The following TENM2 variants were observed in gnomAD, a reference collection of about 807,000 sequenced individuals.
TENM2 encodes the protein teneurin transmembrane protein 2.
TENM2 carries 52 observed loss-of-function variants against 245.2 expected under a neutral mutation model. The ratio of observed to expected loss-of-function variants is 0.21; its 90% CI spans 0.17 to 0.27. The LOEUF is 0.27. TENM2 is among the 10% of genes least tolerant of loss of function. The pLI is 1.00. For synonymous variants in TENM2, 1,363 were observed against 1,438.9 expected, an observed-to-expected ratio of 0.95 and a Z score of 1.19; for missense variants, 3,046 against 3,666.8, an observed-to-expected ratio of 0.83 and a Z score of 4.37.
chr5:167,203,913 G>T, the TENM2 span, among the ~76,000 whole-genome samples: 1 of 152,064 alleles, frequency 6.6e-6, no homozygotes, highest in African/African-American at 2.4e-5. Flanking sequence ...AAAATAGCAG[G>T]ATGAAAACGG....
chr5:167,549,423 A>T (rs1230991569), intron 2 of TENM2, among the ~76,000 whole-genome samples: 1 of 152,242 alleles, frequency 6.6e-6, no homozygotes, highest in Non-Finnish European at 1.5e-5. Flanking sequence ...TAACAAAACT[A>T]ACATGATATC....
At chr5:167,568,455 G>C (rs944941295) in intron 2 of TENM2, among the ~76,000 whole-genome samples, 3 of 152,020 alleles carry the variant, frequency 2.0e-5, no homozygotes, top group African/African-American at 7.2e-5. Flanking sequence ...TTAGGCACTG[G>C]TCTAGCTACT....
At chr5:168,070,831 GAAGAAA>G (rs1261931737) in intron 7 of TENM2, among the ~76,000 whole-genome samples, 5 of 143,692 alleles carry the variant, frequency 3.5e-5, no homozygotes, top group African/African-American at 1.0e-4. Context: ...AAAAAAGAAA[GAAGAAA>G]AAGAAAAAGA....
chr5:167,678,731 C>A (rs1756505313), intron 2 of TENM2, among the ~76,000 whole-genome samples: 1 of 152,068 alleles, frequency 6.6e-6, no homozygotes, highest in African/African-American at 2.4e-5. Context: ...TAGCAGCAGA[C>A]AAGACGCCTT....
chr5:168,216,830 G>A (rs1763238426), exon 22 of TENM2: 1 of 1,613,844 alleles, frequency 6.2e-7, no homozygotes, highest in Admixed American at 1.7e-5. Flanking sequence ...CCGGAAGGTT[G>A]ACCAGAATGG....
intron 3 of TENM2, among the ~76,000 whole-genome samples, chr5:167,902,365 T>C (rs765324104): frequency 1.3e-5 from 2 of 152,224 alleles, no homozygotes; most frequent in Non-Finnish European, 2.9e-5. Flanking sequence ...GAAGGCTGGC[T>C]GGAGAAAAGA....
At chr5:167,179,007 AG>A in the TENM2 span, among the ~76,000 whole-genome samples, 2 of 152,174 alleles carry the variant, frequency 1.3e-5, no homozygotes, top group South Asian at 4.1e-4. Flanking sequence ...AGGTTAGGAG[AG>A]GTTCCGTATG....
the TENM2 span, among the ~76,000 whole-genome samples, chr5:167,078,488 AACAACAACAAC>A: frequency 1.9e-4 from 28 of 146,282 alleles, no homozygotes; most frequent in Admixed American, 6.2e-4. Flanking sequence ...TGTCTCAAAC[AACAACAACAAC>A]AACAACAACA....
chr5:167,495,685 G>C (rs1290359385), intron 2 of TENM2, among the ~76,000 whole-genome samples: 2 of 152,014 alleles, frequency 1.3e-5, no homozygotes, highest in African/African-American at 2.4e-5. Flanking sequence ...TAGAGGACCA[G>C]TATCTCTGCA....
At chr5:167,927,896 T>A (rs73372743) in intron 3 of TENM2, among the ~76,000 whole-genome samples, 4,917 of 152,246 alleles carry the variant, frequency 0.032, 276 homozygotes, top group African/African-American at 0.11. Flanking sequence ...GAGCCTGCTA[T>A]AGAGAGGCTG....
chr5:168,150,699 T>A (rs541669847), intron 12 of TENM2, among the ~76,000 whole-genome samples: 3 of 152,326 alleles, frequency 2.0e-5, no homozygotes, highest in Admixed American at 6.5e-5. Flanking sequence ...AGAAGATTTC[T>A]TGGGGAACAA....
chr5:168,120,931 G>A (rs892866806), intron 10 of TENM2, among the ~76,000 whole-genome samples: 4 of 152,194 alleles, frequency 2.6e-5, no homozygotes, highest in African/African-American at 9.6e-5. Context: ...GGATGTATTC[G>A]TGAGGTTTCA....
chr5:168,162,927 G>T (rs1560649), intron 13 of TENM2, among the ~76,000 whole-genome samples, 170 bp downstream of exon 15: 1 of 152,048 alleles, frequency 6.6e-6, no homozygotes, highest in East Asian at 1.9e-4. Flanking sequence ...TGCCAGGGGG[G>T]ATCTCTGGGA....
At chr5:167,214,620 G>A in the TENM2 span, among the ~76,000 whole-genome samples, 1 of 152,142 alleles carries the variant, frequency 6.6e-6, no homozygotes, top group African/African-American at 2.4e-5. Flanking sequence ...AAGAGCAGGA[G>A]AAAAATGTGT....
the TENM2 span, among the ~76,000 whole-genome samples, chr5:167,267,924 G>A: frequency 1.3e-5 from 2 of 149,162 alleles, no homozygotes; most frequent in South Asian, 4.3e-4. Context: ...AGGCAACAAA[G>A]AGTCTTTTTA....
chr5:168,247,884 G>C lies in TENM2; in HGVS notation c.6945G>C (p.Leu2315=). The C allele has an allele frequency of 5.0e-6, 8 of 1,613,906 alleles. No individual in the cohort carries two copies. The highest frequency in any genetic ancestry group is 6.8e-6 in the Non-Finnish European group (8 of 1,179,878). ...GGCGGGCTTCCTACAAGACCAACCT[G>C]GGCCACCACCTGCAGTACTTCTACT... The change falls in exon 27 of 29, where the codon CTG becomes CTC. Residue 2315 remains leucine, a synonymous_variant. Coordinates refer to ENST00000518659, the Ensembl canonical transcript of TENM2. This position sits in a 1 kb window ranked among gnomAD's most constrained non-coding sequence, Gnocchi z 7.8.
chr5:168,253,649 T>C (rs1020377096), intron 27 of TENM2, among the ~76,000 whole-genome samples: 47 of 151,948 alleles, frequency 3.1e-4, no homozygotes, highest in Admixed American at 2.4e-3. Context: ...ATGGTCTCGA[T>C]CTCCTGACCT....
rs564123511 is a variant in TENM2, at chr5:167,869,382, C to A, written c.503-6604C>A. ...AGGAATAGCCCATTGAAGTTTATGG[C>A]AATATGCAAACCTGAGTTCAAATCT... is the stretch of plus-strand genomic sequence containing the variant. On this transcript the variant is annotated intron_variant, in intron 2 of 28. Coordinates refer to ENST00000518659, the Ensembl canonical transcript of TENM2. Among the ~76,000 whole-genome samples, 3 of 152,274 alleles carry A rather than the reference C, an allele frequency of 2.0e-5. No individual in the cohort carries two copies. In the South Asian group the frequency reaches 6.2e-4, roughly 32 times the overall value.
upstream of TENM2, among the ~76,000 whole-genome samples, chr5:167,281,668 G>A (rs556946610): frequency 9.9e-5 from 15 of 152,260 alleles, no homozygotes; most frequent in African/African-American, 3.6e-4. Context: ...ATGTCAAAAT[G>A]TCCAAACACT....
Sources: gnomAD v4.1 joint callset for allele counts (sites outside exome capture counted in the v4.1 genomes callset) on GRCh38, gnomAD v4.1.1 for gene constraint, Gnocchi (gnomAD v3.1) non-coding constraint, MANE v1.5 for transcripts, NCBI Gene and HGNC (gene_info 2026-07-23, HGNC 2026-07-21) for gene names.